The following XPO5 variants were observed in gnomAD, a reference collection of about 807,000 sequenced individuals.
XPO5 encodes exportin-5.
Under a neutral mutation model 160.6 loss-of-function variants are expected in XPO5, and 46 were observed. The ratio of observed to expected loss-of-function variants is 0.29; its 90% CI spans 0.23 to 0.37. The LOEUF (loss-of-function observed/expected upper bound fraction) is 0.37, where lower values mean the gene tolerates loss of function less well. XPO5 is among the 10% of genes least tolerant of loss of function. The pLI is 1.00. For synonymous variants in XPO5, 537 were observed against 519.3 expected (o/e 1.03, Z -0.46); for missense variants, 1,090 against 1,463.9 (o/e 0.74, Z 4.17).
intron 5 of XPO5, among the ~76,000 whole-genome samples, chr6:43,570,140 G>A (rs141244441): frequency 9.3e-4 from 137 of 147,542 alleles, no homozygotes; most frequent in African/African-American, 3.2e-3. Context: ...GTGAAACCCC[G>A]TCTCTACTAG....
chr6:43,537,138 A>C (rs768922038), intron 20 of XPO5, among the ~76,000 whole-genome samples: 1 of 135,094 alleles, frequency 7.4e-6, no homozygotes, highest in Admixed American at 7.6e-5. Flanking sequence ...GAATAATTAA[A>C]ACTTTTTTTT....
rs1794503217 is a variant in XPO5 at position 43,538,724 on chromosome 6, CAAAAT to C, written c.2343-4722_2343-4718del. On this transcript the variant is annotated intron_variant, in intron 20 of 31. Coordinates refer to ENST00000265351, the MANE Select transcript of XPO5 (RefSeq NM_020750.3). Reference sequence around the variant, plus strand: ...TACTGTTAATGTCTGGTTTTGGTATCAAAATAAATAAGCCTCATAAAATGAGTTAT... The same window carrying C: ...TACTGTTAATGTCTGGTTTTGGTATCAAATAAGCCTCATAAAATGAGTTAT... The C allele has an allele frequency of 2.7e-5, 13 of 490,018 alleles. No homozygotes were observed. In the South Asian group the frequency reaches 4.7e-4, roughly 18 times the overall value. The allele number at this position is 490,018 out of a possible 1,614,324, so 30.4% of individuals were successfully genotyped here.
At chr6:43,556,542 AT>A (rs1227740419) in intron 12 of XPO5, among the ~76,000 whole-genome samples, 3 of 150,036 alleles carry the variant, frequency 2.0e-5, no homozygotes, top group Non-Finnish European at 2.9e-5. Flanking sequence ...AAAAAAAAAA[AT>A]TTTTAAAAAG....
chr6:43,573,426 G>A, intron 2 of XPO5, 54 bp downstream of exon 2: 2 of 1,603,398 alleles, frequency 1.2e-6, no homozygotes, highest in Admixed American at 1.7e-5. Flanking sequence ...GGTTATATAA[G>A]ATATAAAGAT....
chr6:43,545,574 G>C (rs1582219703), intron 20 of XPO5, among the ~76,000 whole-genome samples: 1 of 152,088 alleles, frequency 6.6e-6, no homozygotes, highest in Non-Finnish European at 1.5e-5. Context: ...AGGAGTGGTG[G>C]TGCACACCTG....
At chr6:43,562,390 G>C (rs1227676313) in intron 8 of XPO5, 44 bp from the exon 9 acceptor site, 1 of 1,413,448 alleles carries the variant, frequency 7.1e-7, no homozygotes, top group Non-Finnish European at 9.8e-7. Flanking sequence ...AATTAAAAAG[G>C]CTGTAATAAA....
chr6:43,537,487 C>T (rs969533795), intron 20 of XPO5, among the ~76,000 whole-genome samples: 4 of 152,250 alleles, frequency 2.6e-5, no homozygotes, highest in South Asian at 2.1e-4. Context: ...TGTCTGTCCT[C>T]GACAACTCAA....
intron 20 of XPO5, among the ~76,000 whole-genome samples, chr6:43,536,507 C>T (rs749990532): frequency 6.6e-6 from 1 of 151,430 alleles, no homozygotes; most frequent in African/African-American, 2.4e-5. Context: ...GCCTGTAATC[C>T]CAGCACTTTA....
intron 26 of XPO5, 72 bp downstream of exon 26, chr6:43,527,562 T>A: frequency 6.7e-7 from 1 of 1,495,556 alleles, no homozygotes; most frequent in Non-Finnish European, 9.3e-7. Flanking sequence ...CAGGCCTTCA[T>A]GGAGTTGGCT....
In XPO5 at chr6:43,535,606, C is replaced by A. The variant is rs540769617; in HGVS notation, c.2343-1599G>T. 6.7e-5 allele frequency among the ~76,000 whole-genome samples: 10 copies of A among 148,722 alleles called. No homozygotes were observed. In the South Asian group the frequency reaches 1.9e-3, roughly 29 times the overall value. Reference sequence around the variant, plus strand: ...GCGGTGGATCACGAGGTCAGGAGATCGAGACCATCCTGGGTAACATGGTGA... The same window carrying A: ...GCGGTGGATCACGAGGTCAGGAGATAGAGACCATCCTGGGTAACATGGTGA... On this transcript the variant is annotated intron_variant, in intron 20 of 31. Transcript: ENST00000265351.
chr6:43,531,373 C>T lies in XPO5; in HGVS notation c.2540+106G>A, dbSNP rs978764200. 6.0e-6 allele frequency: 6 copies of T among 1,000,652 alleles called. No homozygotes were observed. In the Admixed American group the frequency reaches 1.0e-4, roughly 17 times the overall value. 62.0% of individuals were successfully genotyped at this position (1,000,652 alleles called of 1,614,324 possible). A position where few individuals can be genotyped will look rare whatever the true frequency, so the allele number is the denominator to read the frequency against. ...AGAATGATAAGTTTCCTATCAAACT[C>T]TTGCCTCGCCTTACCTGTACACTAG... On this transcript the variant is annotated intron_variant, in intron 22 of 31. Coordinates refer to ENST00000265351, the MANE Select transcript of XPO5 (RefSeq NM_020750.3).
intron 1 of XPO5, among the ~76,000 whole-genome samples, chr6:43,573,824 T>G (rs1763138339): frequency 1.9e-5 from 2 of 103,446 alleles, no homozygotes; most frequent in Non-Finnish European, 3.5e-5. Flanking sequence ...TATATATATA[T>G]TTTTTTTTTT....
chr6:43,534,787 C>G (rs532901064), intron 20 of XPO5, among the ~76,000 whole-genome samples: 2 of 152,180 alleles, frequency 1.3e-5, no homozygotes, highest in Admixed American at 1.3e-4. Context: ...TACCTGAGGT[C>G]AGGAGTTCAA....
In XPO5 at chr6:43,568,708, T is replaced by C; in HGVS notation, c.648+3A>G. ...TCCTTCAAACTTTATAAAGAGCTCT[T>C]ACCTTTGACTCCTGAGAAGTATCTG... On this transcript the variant is annotated splice_donor_region_variant and intron_variant, in intron 6 of 31. Transcript: ENST00000265351. 6.3e-7 allele frequency: 1 copy of C among 1,578,172 alleles called. No homozygotes were observed. The highest frequency in any genetic ancestry group is 1.4e-5 in the African/African-American group (1 of 73,776).
intron 20 of XPO5, among the ~76,000 whole-genome samples, chr6:43,535,295 G>T (rs921143430): frequency 6.7e-6 from 1 of 150,180 alleles, no homozygotes; most frequent in African/African-American, 2.5e-5. Flanking sequence ...CCAAAAAACA[G>T]AAGTGTTTCT....
chr6:43,531,488 T>C lies in XPO5; in HGVS notation c.2531A>G (p.Tyr844Cys), dbSNP rs1050980975. Reference protein sequence around the residue: ...ERMQRFFSTLYENCFHILGKA... With the variant: ...ERMQRFFSTLCENCFHILGKA... ...AGCATTGGTTCCTTACCAGTTTTCA[T>C]AGAGGGTAGAGAAGAAACGCTGCAT... Residue 844 changes from tyrosine to cysteine, a missense_variant, in exon 22 of 32, where the codon TAT becomes TGT. Around this residue, in one of 3 missense-constraint regions of XPO5, gnomAD observed 810 missense variants for 1,139.0 expected, o/e 0.71. Coordinates refer to ENST00000265351, the MANE Select transcript of XPO5 (RefSeq NM_020750.3). 2 of 1,613,334 alleles carry C rather than the reference T, an allele frequency of 1.2e-6. No individual in the cohort carries two copies. The highest frequency in any genetic ancestry group is 1.7e-6 in the Non-Finnish European group (2 of 1,179,460).
At chr6:43,567,557 G>A (rs950348834) in intron 6 of XPO5, among the ~76,000 whole-genome samples, 5 of 152,058 alleles carry the variant, frequency 3.3e-5, no homozygotes, top group Admixed American at 1.3e-4. Flanking sequence ...ACTGGCATGT[G>A]TGGCCATTTT....
intron 20 of XPO5, among the ~76,000 whole-genome samples, chr6:43,535,590 C>T (rs1468029523): frequency 2.0e-5 from 3 of 152,088 alleles, no homozygotes; most frequent in African/African-American, 7.2e-5. Flanking sequence ...CGCGGTGGAT[C>T]ACGAGGTCAG....
At chr6:43,535,904 C>T (rs548290672) in intron 20 of XPO5, among the ~76,000 whole-genome samples, 2 of 151,628 alleles carry the variant, frequency 1.3e-5, no homozygotes, top group Non-Finnish European at 2.9e-5. Context: ...CGGAGAATCA[C>T]CTGAGGCCAG....
Sources: gnomAD v4.1 joint callset for allele counts (sites outside exome capture counted in the v4.1 genomes callset) on GRCh38, gnomAD v4.1.1 for gene constraint, gnomAD v4.1.1 regional missense constraint, MANE v1.5 for transcripts, NCBI Gene and HGNC (gene_info 2026-07-23, HGNC 2026-07-21) for gene names.